KIRREL3: variants seen among roughly 807,000 people sequenced by gnomAD.
KIRREL3 encodes the protein kirre like nephrin family adhesion molecule 3, also known as kin of IRRE-like protein 3.
In KIRREL3, 36 loss-of-function variants were observed where a neutral mutation model predicts 89.7. That is an observed-to-expected ratio of 0.40 (90% CI 0.31 to 0.53). KIRREL3 has a LOEUF of 0.53. Ranked by LOEUF, KIRREL3 falls within the 20% of genes least tolerant of loss-of-function variation. The probability of loss-of-function intolerance (pLI) is 0.49; values close to 1 mark genes in which losing one functional copy is unlikely to be tolerated. For synonymous variants in KIRREL3, 445 were observed against 441.4 expected (o/e 1.01, Z -0.10); for missense variants, 864 against 1,056.6 (o/e 0.82, Z 2.53).
At position 126,969,455 on chromosome 11, in the gene KIRREL3, G is replaced by T. The variant is rs1308913878; in HGVS notation, c.55+31000C>A. On this transcript the variant is annotated intron_variant, in intron 1 of 16. Transcript: ENST00000525144. This position sits in a 1 kb window ranked among gnomAD's most constrained non-coding sequence, Gnocchi z 4.9. ...AGCCACTGAGGAGGTGACACCCAGC[G>T]GTATCTGGAAGAATGAACAGGTGTG... is the stretch of plus-strand genomic sequence containing the variant. 1.3e-5 allele frequency among the ~76,000 whole-genome samples: 2 copies of T among 152,108 alleles called. No individual in the cohort carries two copies. The highest frequency in any genetic ancestry group is 2.9e-5 in the Non-Finnish European group (2 of 68,034).
chr11:126,928,706 A>C (rs1185100299), intron 1 of KIRREL3, among the ~76,000 whole-genome samples: 1 of 152,242 alleles, frequency 6.6e-6, no homozygotes, highest in African/African-American at 2.4e-5. Flanking sequence ...TTTAATGGAC[A>C]TAAGGAACAC....
intron 1 of KIRREL3, among the ~76,000 whole-genome samples, chr11:126,582,977 C>T (rs1346287761): frequency 1.3e-5 from 2 of 149,346 alleles, no homozygotes. Context: ...AATGGCAGAG[C>T]ACAGCAGAAA....
chr11:126,468,199 G>A (rs1216002969), intron 5 of KIRREL3, among the ~76,000 whole-genome samples: 1 of 152,222 alleles, frequency 6.6e-6, no homozygotes, highest in African/African-American at 2.4e-5. Flanking sequence ...CCCCTGCTGT[G>A]TGGACTTGGG....
At chr11:126,714,024 T>C (rs895541799) in intron 1 of KIRREL3, among the ~76,000 whole-genome samples, 5 of 152,062 alleles carry the variant, frequency 3.3e-5, no homozygotes, top group African/African-American at 1.2e-4. Context: ...GCATTCGTAT[T>C]GGGTAGAGCA....
At position 126,427,437 on chromosome 11, in the gene KIRREL3, G is replaced by A. The variant is rs538148706; in HGVS notation, c.1807-1713C>T. On this transcript the variant is annotated intron_variant, in intron 15 of 16. Coordinates refer to ENST00000525144, the MANE Select transcript of KIRREL3 (RefSeq NM_032531.4). This position sits in a 1 kb window ranked among gnomAD's most constrained non-coding sequence, Gnocchi z 5.3. ...AGCAGAAGGTGCACAGCTCCGCCAG[G>A]GGTGGGGAGGACAAGCCCGGAACAT... Among the ~76,000 whole-genome samples, 2 of 152,340 alleles carry A rather than the reference G, an allele frequency of 1.3e-5. No individual in the cohort carries two copies. The highest frequency in any genetic ancestry group is 4.8e-5 in the African/African-American group (2 of 41,582).
rs144566068 is a variant in KIRREL3 at position 126,465,651 on chromosome 11, C to A, written c.592-2344G>T. ...GACTGTGACATTCTAGAGAGCCACGCGGTGCAGCTGCAGGCCTGGGACTCA... is the reference window on the plus strand; with the variant it reads ...GACTGTGACATTCTAGAGAGCCACGAGGTGCAGCTGCAGGCCTGGGACTCA... On this transcript the variant is annotated intron_variant, in intron 5 of 16. Transcript: ENST00000525144. 1.8e-3 allele frequency among the ~76,000 whole-genome samples: 267 copies of A among 152,296 alleles called. 1 individual carries two copies. The highest frequency in any genetic ancestry group is 6.0e-3 in the African/African-American group (251 of 41,568).
At position 126,498,067 on chromosome 11, in the gene KIRREL3, G is replaced by T. The variant is rs1015466998; in HGVS notation, c.433+23248C>A. On this transcript the variant is annotated intron_variant, in intron 4 of 16. Transcript: ENST00000525144. The surrounding 1 kb of genome is among the most constrained non-coding windows in gnomAD (Gnocchi z 4.3). ...ACAAGGAAGCAGAGGCTCAGAGAGG[G>T]TAAATGACTTGCCCCAAATCACACA... is the stretch of plus-strand genomic sequence containing the variant. 3.9e-5 allele frequency among the ~76,000 whole-genome samples: 6 copies of T among 152,176 alleles called. No individual in the cohort carries two copies. The highest frequency in any genetic ancestry group is 1.3e-4 in the Admixed American group (2 of 15,284).
Position 126,451,757 on chromosome 11 carries a change from T to A in KIRREL3, c.849-2600A>T, listed in dbSNP as rs117115754. ...GTGAAGTTGGGGGCTTCCTTACGGA[T>A]CTCCAGGGAGAGAGAGTTCTCCGTT... On this transcript the variant is annotated intron_variant, in intron 7 of 16. Transcript: ENST00000525144. Among the ~76,000 whole-genome samples, 12 of 152,328 alleles carry A rather than the reference T, an allele frequency of 7.9e-5. No individual in the cohort carries two copies. In the East Asian group the frequency reaches 2.3e-3, roughly 29 times the overall value.
At chr11:126,727,468 A>C (rs1041450156) in intron 1 of KIRREL3, among the ~76,000 whole-genome samples, 1 of 152,196 alleles carries the variant, frequency 6.6e-6, no homozygotes. Context: ...GCTGAATCTC[A>C]ACTTGGAGGA....
chr11:126,772,849 G>A lies in KIRREL3; in HGVS notation c.56-209937C>T, dbSNP rs1234988730. Among the ~76,000 whole-genome samples the A allele has an allele frequency of 6.6e-6, 1 of 152,136 alleles. No homozygotes were observed. The highest frequency in any genetic ancestry group is 2.1e-4 in the South Asian group (1 of 4,828). On this transcript the variant is annotated intron_variant, in intron 1 of 16. Transcript: ENST00000525144. The surrounding 1 kb of genome is among the most constrained non-coding windows in gnomAD (Gnocchi z 4.6). ...CCCTAATGCCAGCACCATACCTACT[G>A]CATCTGGATCTTCATAATTTGGCCA...
At chr11:126,572,058 G>A (rs373495240) in intron 1 of KIRREL3, among the ~76,000 whole-genome samples, 6 of 152,200 alleles carry the variant, frequency 3.9e-5, no homozygotes, top group South Asian at 4.1e-4. Flanking sequence ...CCAGATGCTC[G>A]ACAGCTATGT....
At position 126,492,213 on chromosome 11, in the gene KIRREL3, T is replaced by C. The variant is rs2134340419; in HGVS notation, c.434-18747A>G. On this transcript the variant is annotated intron_variant, in intron 4 of 16. Transcript: ENST00000525144. The surrounding 1 kb of genome is among the most constrained non-coding windows in gnomAD (Gnocchi z 4.8). ...CTGAAAGGGGAAGATGGGCTCAGGC[T>C]GCAGCGTGAGGGAGTGAGGTTAGAC... 6.6e-6 allele frequency among the ~76,000 whole-genome samples: 1 copy of C among 152,304 alleles called. No individual in the cohort carries two copies. The highest frequency in any genetic ancestry group is 1.5e-5 in the Non-Finnish European group (1 of 68,018).
rs1252021734 is a variant in KIRREL3, at chr11:126,689,651, A to T, written c.56-126739T>A. 1.3e-5 allele frequency among the ~76,000 whole-genome samples: 2 copies of T among 152,228 alleles called. No homozygotes were observed. Among genetic ancestry groups the T allele is most frequent in the Non-Finnish European group, 2.9e-5 (2 of 68,044 alleles). Reference sequence around the variant, plus strand: ...CATCTTGTTAGCCAGTTGCTCTGGTAGCCTGCATTGCAAGGGCCTGGCTTT... The same window carrying T: ...CATCTTGTTAGCCAGTTGCTCTGGTTGCCTGCATTGCAAGGGCCTGGCTTT... On this transcript the variant is annotated intron_variant, in intron 1 of 16. Transcript: ENST00000525144. This position sits in a 1 kb window ranked among gnomAD's most constrained non-coding sequence, Gnocchi z 5.2.
At chr11:126,731,400 C>T (rs1309410837) in intron 1 of KIRREL3, among the ~76,000 whole-genome samples, 1 of 152,232 alleles carries the variant, frequency 6.6e-6, no homozygotes, top group South Asian at 2.1e-4. Flanking sequence ...CTTAGTCCTT[C>T]AAGACTCAGC....
chr11:126,866,467 T>C (rs898994328), intron 1 of KIRREL3, among the ~76,000 whole-genome samples: 1 of 152,066 alleles, frequency 6.6e-6, no homozygotes, highest in Non-Finnish European at 1.5e-5. Flanking sequence ...ATGGAATCGC[T>C]CCTTGCCAGT....
chr11:126,510,929 A>T (rs1406928868), intron 4 of KIRREL3, among the ~76,000 whole-genome samples: 1 of 152,176 alleles, frequency 6.6e-6, no homozygotes, highest in Non-Finnish European at 1.5e-5. Context: ...CCTGAGTTAA[A>T]TCATGACAGT....
At position 126,615,455 on chromosome 11, in the gene KIRREL3, G is replaced by C. The variant is rs535357472; in HGVS notation, c.56-52543C>G. Among the ~76,000 whole-genome samples the C allele has an allele frequency of 1.7e-3, 252 of 152,272 alleles. No individual in the cohort carries two copies. Among genetic ancestry groups the C allele is most frequent in the African/African-American group, 5.7e-3 (238 of 41,556 alleles). ...GAAACCAGAGCTTTGGGAGGTTAAG[G>C]AATGGGCAAAATCACAGCCAGTAGG... On this transcript the variant is annotated intron_variant, in intron 1 of 16. Transcript: ENST00000525144. This position sits in a 1 kb window ranked among gnomAD's most constrained non-coding sequence, Gnocchi z 5.4.
chr11:126,556,670 T>C (rs114144055), intron 2 of KIRREL3, among the ~76,000 whole-genome samples: 1,729 of 152,166 alleles, frequency 0.011, 41 homozygotes, highest in African/African-American at 0.039. Flanking sequence ...GTCTGCAGCT[T>C]AGGGGTCCAC....
intron 1 of KIRREL3, among the ~76,000 whole-genome samples, chr11:126,597,284 C>T (rs1166564414): frequency 1.3e-5 from 2 of 152,204 alleles, no homozygotes; most frequent in African/African-American, 2.4e-5. Flanking sequence ...GTCGGGACAC[C>T]AAAGGGCAGT....
Sources: gnomAD v4.1 joint callset for allele counts (sites outside exome capture counted in the v4.1 genomes callset) on GRCh38, gnomAD v4.1.1 for gene constraint, Gnocchi (gnomAD v3.1) non-coding constraint, MANE v1.5 for transcripts, NCBI Gene and HGNC (gene_info 2026-07-23, HGNC 2026-07-21) for gene names.